RTN4IP1: variants seen among roughly 807,000 people sequenced by gnomAD.
RTN4IP1 encodes reticulon 4 interacting protein 1, also known as NAD(P)H oxidoreductase RTN4IP1, mitochondrial.
A neutral mutation model predicts 46.6 loss-of-function variants in RTN4IP1; 32 were observed. The ratio of observed to expected loss-of-function variants is 0.69; its 90% CI spans 0.52 to 0.92. The LOEUF (loss-of-function observed/expected upper bound fraction) is 0.92. Ranked by LOEUF, RTN4IP1 falls within the 40% of genes least tolerant of loss-of-function variation. The pLI is 0.00. For missense variants in RTN4IP1, 424 were observed against 485.8 expected, an observed-to-expected ratio of 0.87 and a Z score of 1.20; for synonymous variants, 167 against 161.8, an observed-to-expected ratio of 1.03 and a Z score of -0.24.
chr6:106,617,140 C>G (rs1044631675), intron 4 of RTN4IP1, among the ~76,000 whole-genome samples: 1 of 152,228 alleles, frequency 6.6e-6, no homozygotes. Context: ...TGATCTCAGG[C>G]TTCCCAGCCT....
intron 4 of RTN4IP1, among the ~76,000 whole-genome samples, chr6:106,603,768 A>G (rs952673513): frequency 6.6e-6 from 1 of 152,198 alleles, no homozygotes; most frequent in Non-Finnish European, 1.5e-5. Flanking sequence ...CTTACATTTT[A>G]TTCTTAAATT....
intron 6 of RTN4IP1, among the ~76,000 whole-genome samples, chr6:106,589,637 T>A (rs1435621074): frequency 3.3e-5 from 5 of 152,098 alleles, no homozygotes; most frequent in Non-Finnish European, 5.9e-5. Flanking sequence ...CTTCACTTTC[T>A]CAACTACAGC....
intron 1 of RTN4IP1, among the ~76,000 whole-genome samples, chr6:106,627,448 G>A (rs1410861794): frequency 6.6e-6 from 1 of 152,054 alleles, no homozygotes; most frequent in Non-Finnish European, 1.5e-5. Context: ...ATATAAAAAG[G>A]CATAGAAATA....
chr6:106,576,434 T>C (rs553360754), intron 8 of RTN4IP1, among the ~76,000 whole-genome samples: 124 of 152,332 alleles, frequency 8.1e-4, no homozygotes, highest in African/African-American at 2.9e-3. Context: ...CTCAGAAGCA[T>C]TGAGGCCATG....
At chr6:106,627,815 C>T (rs1355519645) in intron 1 of RTN4IP1, among the ~76,000 whole-genome samples, 2 of 122,280 alleles carry the variant, frequency 1.6e-5, no homozygotes, top group East Asian at 5.2e-4. Flanking sequence ...TGCAAGGGCG[C>T]GTTCTTGGCT....
intron 5 of RTN4IP1, among the ~76,000 whole-genome samples, chr6:106,600,067 A>G (rs17067424): frequency 0.14 from 21,175 of 151,982 alleles, 1,699 homozygotes; most frequent in African/African-American, 0.2. Context: ...AAAAGAAGTT[A>G]AAGTGTGCAT....
rs1486734181 is a variant in RTN4IP1 at position 106,629,149 on chromosome 6, G to T, written c.-128C>A. 2.4e-6 allele frequency: 2 copies of T among 828,354 alleles called. No homozygotes were observed. The highest frequency in any genetic ancestry group is 3.8e-6 in the Non-Finnish European group (2 of 532,596). 51.3% of individuals were successfully genotyped at this position (828,354 alleles called of 1,614,324 possible). A position where few individuals can be genotyped will look rare whatever the true frequency, so the allele number is the denominator to read the frequency against. ...TTCAAAATTAAGCATGCAAAACGGA[G>T]CATTCGAAAATGAAGCTAATCTAAT... On this transcript the variant is annotated 5_prime_UTR_variant, in exon 1 of 9. Transcript: ENST00000369063.
chr6:106,601,501 G>T (rs1057341973), intron 5 of RTN4IP1, among the ~76,000 whole-genome samples: 22 of 152,016 alleles, frequency 1.4e-4, no homozygotes, highest in African/African-American at 4.8e-4. Flanking sequence ...TGAAGATTTT[G>T]TCTTATGTTT....
chr6:106,580,718 C>CA (rs761745131), intron 8 of RTN4IP1, among the ~76,000 whole-genome samples: 7,832 of 99,326 alleles, frequency 0.079, 340 homozygotes, highest in East Asian at 0.21. Context: ...GACTCTGTCT[C>CA]AAAGAAAAAA....
chr6:106,611,329 C>T (rs1299534512), intron 4 of RTN4IP1, among the ~76,000 whole-genome samples: 1 of 152,088 alleles, frequency 6.6e-6, no homozygotes, highest in Non-Finnish European at 1.5e-5. Flanking sequence ...TTTGTTTCTC[C>T]ACCTTTGAAA....
intron 8 of RTN4IP1, among the ~76,000 whole-genome samples, chr6:106,580,393 A>G (rs1775334264): frequency 6.6e-6 from 1 of 151,972 alleles, no homozygotes; most frequent in Non-Finnish European, 1.5e-5. Context: ...CACTAAATAT[A>G]TATACTAGAT....
intron 8 of RTN4IP1, among the ~76,000 whole-genome samples, chr6:106,580,363 G>A (rs183296174): frequency 7.3e-4 from 111 of 152,122 alleles, no homozygotes; most frequent in African/African-American, 2.5e-3. Context: ...TAGAAGGTAG[G>A]CCACAAGATA....
chr6:106,585,694 T>C (rs546069872), intron 7 of RTN4IP1, among the ~76,000 whole-genome samples: 1 of 152,122 alleles, frequency 6.6e-6, no homozygotes, highest in South Asian at 2.1e-4. Flanking sequence ...AGCATGACAA[T>C]GAGGCTTTAA....
At position 106,587,678 on chromosome 6, in the gene RTN4IP1, C is replaced by T; in HGVS notation, c.990+1G>A. On this transcript the variant is annotated splice_donor_variant, in intron 7 of 8. Transcript: ENST00000369063. LOFTEE classifies it high-confidence loss of function. ...TCACCAACCAAGACCCTTCTTCCTA[C>T]CTTTAATGCCTTTGAACCTACAGTG... 1.9e-6 allele frequency: 3 copies of T among 1,607,194 alleles called. No individual in the cohort carries two copies. Among genetic ancestry groups the T allele is most frequent in the East Asian group, 2.2e-5 (1 of 44,730 alleles).
chr6:106,617,284 C>G (rs1012122673), intron 4 of RTN4IP1, among the ~76,000 whole-genome samples: 1 of 152,234 alleles, frequency 6.6e-6, no homozygotes, highest in African/African-American at 2.4e-5. Flanking sequence ...ATGTGTCCTA[C>G]AGATCACAAC....
chr6:106,580,132 T>C (rs1775325131), intron 8 of RTN4IP1, among the ~76,000 whole-genome samples: 1 of 146,424 alleles, frequency 6.8e-6, no homozygotes. Flanking sequence ...GAGAATGGTG[T>C]GAACCCGGGA....
intron 8 of RTN4IP1, among the ~76,000 whole-genome samples, chr6:106,579,470 G>T (rs1775305831): frequency 6.6e-6 from 1 of 152,120 alleles, no homozygotes; most frequent in Admixed American, 6.6e-5. Flanking sequence ...CCTAAGACTG[G>T]ATCTCCAGGA....
At chr6:106,577,777 C>CA (rs576541497) in intron 8 of RTN4IP1, among the ~76,000 whole-genome samples, 56 of 152,092 alleles carry the variant, frequency 3.7e-4, no homozygotes, top group Non-Finnish European at 6.8e-4. Context: ...GGTTAGAGGT[C>CA]AAAGATTAAC....
chr6:106,619,891 G>T (rs866799103), intron 3 of RTN4IP1, among the ~76,000 whole-genome samples: 1 of 151,808 alleles, frequency 6.6e-6, no homozygotes, highest in Non-Finnish European at 1.5e-5. Flanking sequence ...GATTACAGGC[G>T]TAAGCCACCG....
Sources: allele counts gnomAD v4.1 joint callset (sites outside exome capture counted in the v4.1 genomes callset), GRCh38; gene constraint gnomAD v4.1.1; transcripts MANE v1.5; gene names NCBI Gene and HGNC (gene_info 2026-07-23, HGNC 2026-07-21).